The following BTBD8 variants were observed in gnomAD, a reference collection of about 807,000 sequenced individuals.
BTBD8 encodes the protein BTB/POZ domain-containing protein 8.
In BTBD8, 110 loss-of-function variants were observed where a neutral mutation model predicts 162.9. The ratio of observed to expected loss-of-function variants is 0.68; its 90% CI spans 0.58 to 0.79. The LOEUF is 0.79. Ranked by LOEUF, BTBD8 falls within the 30% of genes least tolerant of loss-of-function variation. BTBD8 has a pLI of 0.00. For missense variants in BTBD8, 1,905 were observed against 2,085.4 expected, an observed-to-expected ratio of 0.91 and a Z score of 1.68; for synonymous variants, 667 against 716.1, an observed-to-expected ratio of 0.93 and a Z score of 1.10.
Position 92,182,001 on chromosome 1 carries a change from C to T in BTBD8, c.4318C>T (p.Leu1440Phe). The T allele has an allele frequency of 6.4e-7, 1 of 1,551,532 alleles. No homozygotes were observed. Among genetic ancestry groups the T allele is most frequent in the South Asian group, 1.2e-5 (1 of 84,030 alleles). Residue 1440 changes from leucine (L) to phenylalanine (F), a missense_variant, in exon 17 of 18, where the codon CTT (leucine) becomes TTT (phenylalanine). Physicochemically the swap from Leu to Phe is conservative, Grantham distance 22 (BLOSUM62 0). This residue lies in a region of BTBD8 where 517 missense variants were observed against 606.6 expected (regional missense o/e 0.85). Transcript: ENST00000636805. ...TAAAAAGTTTAAAAGGTCAGTTTTACTTTCAGTCGATGAATGTGAAGAGCT... is the reference window on the plus strand; with the variant it reads ...TAAAAAGTTTAAAAGGTCAGTTTTATTTTCAGTCGATGAATGTGAAGAGCT... ...ATKKFKRSVL[L>F]SVDECEELGS...
intron 9 of BTBD8, chr1:92,150,712 C>T (rs1557457687): frequency 6.6e-6 from 1 of 152,196 alleles, no homozygotes; most frequent in Non-Finnish European, 1.5e-5. Context: ...AGAACACTCA[C>T]TTATACTGGG....
chr1:92,085,227 C>T (rs930138230), intron 1 of BTBD8, among the ~76,000 whole-genome samples: 1 of 152,210 alleles, frequency 6.6e-6, no homozygotes, highest in Non-Finnish European at 1.5e-5. Context: ...TGAGTTTTAT[C>T]GGCAGTGTAA....
rs1234012587 is a variant in BTBD8 at position 92,167,144 on chromosome 1, C to T, written c.1305+4C>T. Reference sequence around the variant, plus strand: ...AAATTTTGCTCTTCTTTTACAGGTACTATGCCTAAATTATATCCTATATTT... The same window carrying T: ...AAATTTTGCTCTTCTTTTACAGGTATTATGCCTAAATTATATCCTATATTT... On this transcript the variant is annotated splice_donor_region_variant and intron_variant, in intron 10 of 17. Coordinates refer to ENST00000636805, the MANE Select transcript of BTBD8 (RefSeq NM_001376131.1). 1 of 1,550,252 alleles carries T rather than the reference C, an allele frequency of 6.5e-7. No homozygotes were observed. Among genetic ancestry groups the T allele is most frequent in the African/African-American group, 1.4e-5 (1 of 73,032 alleles).
At chr1:92,157,327 G>T (rs767189493) in intron 9 of BTBD8, among the ~76,000 whole-genome samples, 1 of 151,980 alleles carries the variant, frequency 6.6e-6, no homozygotes, top group Non-Finnish European at 1.5e-5. Flanking sequence ...TTTTGTGACC[G>T]AACATGATAG....
intron 9 of BTBD8, among the ~76,000 whole-genome samples, chr1:92,157,567 G>A (rs187741380): frequency 2.6e-5 from 4 of 152,162 alleles, no homozygotes; most frequent in South Asian, 2.1e-4. Context: ...TCAGTGGCAC[G>A]ATCATAGCTC....
intron 9 of BTBD8, among the ~76,000 whole-genome samples, chr1:92,159,654 GT>G (rs1037610822): frequency 6.6e-6 from 1 of 152,174 alleles, no homozygotes; most frequent in Non-Finnish European, 1.5e-5. Flanking sequence ...TTGAAGGACA[GT>G]TTTGCCAGGT....
chr1:92,107,836 C>T (rs372571918), intron 3 of BTBD8, 48 bp from the exon 4 acceptor site: 111 of 1,439,502 alleles, frequency 7.7e-5, no homozygotes, highest in Non-Finnish European at 8.7e-5. Flanking sequence ...AATTTTTGGA[C>T]GTTTGTAATA....
chr1:92,132,997 T>C (rs1157468), intron 5 of BTBD8, among the ~76,000 whole-genome samples: 36,528 of 152,138 alleles, frequency 0.24, 5,263 homozygotes, highest in South Asian at 0.35. Flanking sequence ...ATGTATCAAA[T>C]TGATTGTCTC....
At chr1:92,162,163 C>G (rs746379474) in intron 9 of BTBD8, among the ~76,000 whole-genome samples, 1 of 152,248 alleles carries the variant, frequency 6.6e-6, no homozygotes, top group Non-Finnish European at 1.5e-5. Flanking sequence ...TGTTTGTACT[C>G]AAACTATTGC....
chr1:92,139,533 G>A, intron 6 of BTBD8, 103 bp downstream of exon 6: 1 of 1,477,698 alleles, frequency 6.8e-7, no homozygotes, highest in Non-Finnish European at 8.9e-7. Context: ...GCTTTTTATA[G>A]TCTATTATAC....
chr1:92,144,467 T>A (rs192899631), intron 7 of BTBD8, among the ~76,000 whole-genome samples: 1 of 147,594 alleles, frequency 6.8e-6, no homozygotes, highest in Non-Finnish European at 1.5e-5. Context: ...ACTTCATTTA[T>A]AGGATTTTGG....
intron 4 of BTBD8, among the ~76,000 whole-genome samples, chr1:92,120,425 G>T (rs1290405547): frequency 6.6e-6 from 1 of 152,066 alleles, no homozygotes; most frequent in Non-Finnish European, 1.5e-5. Flanking sequence ...CCTGCCTGAG[G>T]CTATTTAACA....
intron 7 of BTBD8, among the ~76,000 whole-genome samples, chr1:92,146,186 GA>G (rs897186495): frequency 1.2e-4 from 18 of 144,092 alleles, no homozygotes; most frequent in Non-Finnish European, 3.0e-5. Flanking sequence ...AAATAAATTA[GA>G]ATAAAAATCG....
chr1:92,132,814 T>C (rs1317213291), intron 5 of BTBD8, among the ~76,000 whole-genome samples: 1 of 152,152 alleles, frequency 6.6e-6, no homozygotes, highest in African/African-American at 2.4e-5. Flanking sequence ...TGTTAATGCA[T>C]TGAAAATGAA....
intron 9 of BTBD8, among the ~76,000 whole-genome samples, chr1:92,152,415 A>G (rs555390552): frequency 6.3e-4 from 96 of 152,348 alleles, no homozygotes; most frequent in South Asian, 5.8e-3. Flanking sequence ...AGGTGTATAC[A>G]TAGAATCACA....
Position 92,184,108 on chromosome 1 carries a change from T to C in BTBD8, c.5157T>C (p.Pro1719=). The C allele has an allele frequency of 6.4e-7, 1 of 1,551,680 alleles. No homozygotes were observed. The highest frequency in any genetic ancestry group is 8.7e-7 in the Non-Finnish European group (1 of 1,146,882). ...ACTTAGATGTTACAAATTCCGTTCC[T>C]GAAGACTTAAGTTTAGCACAGTATC... is the stretch of plus-strand genomic sequence containing the variant. The part of the protein sequence containing the change: ...DSNLDVTNSV[P]EDLSLAQYLI... The change falls in exon 18 of 18, where the codon CCT becomes CCC. Residue 1719 remains proline (P), a synonymous_variant. Coordinates refer to ENST00000636805, the MANE Select transcript of BTBD8 (RefSeq NM_001376131.1).
chr1:92,148,428 C>T (rs1255055523), intron 9 of BTBD8, among the ~76,000 whole-genome samples: 3 of 152,164 alleles, frequency 2.0e-5, no homozygotes, highest in South Asian at 4.1e-4. Flanking sequence ...TAGAAAGATT[C>T]CAATCATCCT....
chr1:92,152,649 T>A (rs1011192433), intron 9 of BTBD8, among the ~76,000 whole-genome samples: 1 of 152,130 alleles, frequency 6.6e-6, no homozygotes, highest in Non-Finnish European at 1.5e-5. Context: ...AGTATCTTGT[T>A]AACGAGTTTG....
intron 5 of BTBD8, among the ~76,000 whole-genome samples, chr1:92,132,833 T>C (rs988179373): frequency 3.3e-5 from 5 of 149,496 alleles, no homozygotes; most frequent in Non-Finnish European, 7.4e-5. Context: ...AAGATACTTT[T>C]GTTGTTGTTG....
Sources: gnomAD v4.1 joint callset for allele counts (sites outside exome capture counted in the v4.1 genomes callset) on GRCh38, gnomAD v4.1.1 for gene constraint, gnomAD v4.1.1 regional missense constraint, MANE v1.5 for transcripts, NCBI Gene and HGNC (gene_info 2026-07-23, HGNC 2026-07-21) for gene names.